Variants in NRK observed in about 807,000 individuals in gnomAD.
NRK encodes the protein Nik related kinase, also known as nik-related protein kinase.
In NRK, 67 loss-of-function variants were observed where a neutral mutation model predicts 125.2. The ratio of observed to expected loss-of-function variants is 0.54; its 90% CI spans 0.44 to 0.66. NRK has a LOEUF of 0.66. NRK is among the 30% of genes least tolerant of loss of function. NRK has a pLI of 0.00. For synonymous variants in NRK, 458 were observed against 429.0 expected, an observed-to-expected ratio of 1.07 and a Z score of -0.84; for missense variants, 1,224 against 1,192.9, an observed-to-expected ratio of 1.03 and a Z score of -0.38.
chrX:105,941,056 A>T (rs1449116632), intron 23 of NRK, among the ~76,000 whole-genome samples: 1 of 111,758 alleles, frequency 8.9e-6, no homozygotes, highest in Non-Finnish European at 1.9e-5. Context: ...TCCAAATCAT[A>T]TTATGCAAAT....
intron 9 of NRK, among the ~76,000 whole-genome samples, chrX:105,903,735 CT>C (rs1232202305): frequency 1.8e-5 from 2 of 111,597 alleles, no homozygotes; most frequent in Non-Finnish European, 1.9e-5. Flanking sequence ...TTAAAGAAAA[CT>C]TACCTAGTCT....
chrX:105,825,977 T>C (rs1415390339), intron 1 of NRK, among the ~76,000 whole-genome samples: 1 of 105,357 alleles, frequency 9.5e-6, no homozygotes, highest in Admixed American at 1.1e-4. Flanking sequence ...TATGTGTGTA[T>C]GTATATTCAC....
At chrX:105,883,215 C>T (rs182369541) in intron 4 of NRK, among the ~76,000 whole-genome samples, 15 of 112,741 alleles carry the variant, frequency 1.3e-4, no homozygotes, top group Non-Finnish European at 2.2e-4. Flanking sequence ...AACACACTAA[C>T]GCTTCCCAAA....
At position 105,822,985 on chromosome X, in the gene NRK, A is replaced by C; in HGVS notation, c.57+83A>C. 11 of 892,022 alleles carry C rather than the reference A, an allele frequency of 1.2e-5. No homozygotes were observed. In the South Asian group the frequency reaches 2.7e-4, roughly 22 times the overall value. The allele number at this position is 892,022 out of a possible 1,213,427, so 73.5% of individuals were successfully genotyped here. On this transcript the variant is annotated intron_variant, in intron 1 of 28. Coordinates refer to ENST00000243300, the MANE Select transcript of NRK (RefSeq NM_198465.4). The stretch of plus-strand genomic sequence containing the variant: ...CCAGAGGGAGGGAGCGGACGCCCTC[A>C]AAACGGGCTAGACCAGGACTTCGAC...
intron 2 of NRK, among the ~76,000 whole-genome samples, chrX:105,867,237 G>A (rs2039684310): frequency 1.8e-5 from 2 of 111,349 alleles, no homozygotes; most frequent in Admixed American, 1.9e-4. Flanking sequence ...AAAAGACAAA[G>A]TAAATCTCAA....
At chrX:105,840,680 A>G (rs2039320260) in intron 2 of NRK, among the ~76,000 whole-genome samples, 1 of 111,371 alleles carries the variant, frequency 9.0e-6, no homozygotes, top group Non-Finnish European at 1.9e-5. Flanking sequence ...TATTTTTAAT[A>G]TATTAGTCCT....
intron 22 of NRK, among the ~76,000 whole-genome samples, chrX:105,938,599 C>T (rs1226035667): frequency 8.9e-6 from 1 of 111,804 alleles, no homozygotes; most frequent in Non-Finnish European, 1.9e-5. Flanking sequence ...TATCCAACTT[C>T]CTCTAACCCA....
At chrX:105,844,953 G>A (rs1328750789) in intron 2 of NRK, among the ~76,000 whole-genome samples, 1 of 111,226 alleles carries the variant, frequency 9.0e-6, no homozygotes, top group Admixed American at 9.6e-5. Context: ...AGTTCTGTTG[G>A]TGTTGTGAAT....
At chrX:105,934,217 C>T (rs547528495) in intron 19 of NRK, 41 bp from the exon 20 acceptor site, 34 of 930,874 alleles carry the variant, frequency 3.7e-5, no homozygotes, top group South Asian at 1.6e-4. Context: ...CCACTGTTAA[C>T]CTACTAATGA....
At chrX:105,940,472 A>G (rs1276886453) in intron 23 of NRK, among the ~76,000 whole-genome samples, 1 of 110,596 alleles carries the variant, frequency 9.0e-6, no homozygotes, top group African/African-American at 3.3e-5. Flanking sequence ...TCTTTGGAGC[A>G]ACAGTAAGAT....
At position 105,958,579 on chromosome X, in the gene NRK, T is replaced by C. The variant is rs185973908; in HGVS notation, c.*2979T>C. On this transcript the variant is annotated 3_prime_UTR_variant, in exon 29 of 29. Transcript: ENST00000243300. ...TCTGAAAGCCTACAATGAATCATTG[T>C]TCAACCTTGAAAAATAAAATTTTGT... 7 of 112,446 alleles carry C rather than the reference T, an allele frequency of 6.2e-5. No individual in the cohort carries two copies. The highest frequency in any genetic ancestry group is 1.9e-4 in the Admixed American group (2 of 10,612). The allele number at this position is 112,446 out of a possible 1,213,427, so 9.3% of individuals were successfully genotyped here. A position where few individuals can be genotyped will look rare whatever the true frequency, so the allele number is the denominator to read the frequency against.
At chrX:105,877,454 G>A (rs2039829374) in intron 2 of NRK, among the ~76,000 whole-genome samples, 1 of 111,388 alleles carries the variant, frequency 9.0e-6, no homozygotes, top group African/African-American at 3.3e-5. Flanking sequence ...GACAATTGTA[G>A]CATGGCCATC....
intron 1 of NRK, 129 bp downstream of exon 1, chrX:105,823,031 G>A (rs1296078814): frequency 1.6e-6 from 1 of 616,439 alleles, no homozygotes; most frequent in Non-Finnish European, 2.5e-6. Flanking sequence ...GGCGCGGAAG[G>A]GGATCCTGGG....
intron 5 of NRK, among the ~76,000 whole-genome samples, chrX:105,892,618 A>C (rs1313327014): frequency 9.0e-6 from 1 of 111,678 alleles, no homozygotes; most frequent in Non-Finnish European, 1.9e-5. Flanking sequence ...CATGGTTGAA[A>C]ATGAGGAGTT....
chrX:105,872,595 C>T (rs889491621), intron 2 of NRK, among the ~76,000 whole-genome samples: 5 of 111,390 alleles, frequency 4.5e-5, no homozygotes, highest in African/African-American at 1.6e-4. Context: ...CCAATCTCAG[C>T]CACACCTCCA....
At chrX:105,845,723 G>A (rs2039391592) in intron 2 of NRK, among the ~76,000 whole-genome samples, 1 of 111,591 alleles carries the variant, frequency 9.0e-6, no homozygotes, top group African/African-American at 3.3e-5. Context: ...GAGAATCCCA[G>A]ATCAGCCTAT....
intron 2 of NRK, among the ~76,000 whole-genome samples, chrX:105,832,595 T>A (rs2039208865): frequency 9.0e-6 from 1 of 111,143 alleles, no homozygotes; most frequent in South Asian, 3.8e-4. Context: ...AGAAGGGGCT[T>A]CTTTCTAGTT....
At chrX:105,933,889 T>A (rs1273168163) in intron 19 of NRK, among the ~76,000 whole-genome samples, 1 of 111,870 alleles carries the variant, frequency 8.9e-6, no homozygotes, top group East Asian at 2.8e-4. Context: ...AATTTTAAAT[T>A]TGTATAAGTA....
chrX:105,905,163 A>G (rs1296957555), intron 9 of NRK, 102 bp from the exon 10 acceptor site: 50 of 586,893 alleles, frequency 8.5e-5, no homozygotes, highest in Non-Finnish European at 1.1e-4. Flanking sequence ...TGTCTACTCA[A>G]CATAATATGT....
Sources: allele counts gnomAD v4.1 joint callset (sites outside exome capture counted in the v4.1 genomes callset), GRCh38; gene constraint gnomAD v4.1.1; transcripts MANE v1.5; gene names NCBI Gene and HGNC (gene_info 2026-07-23, HGNC 2026-07-21).